The following GNAQ variants were observed in gnomAD, a reference collection of about 807,000 sequenced individuals.
The protein encoded by GNAQ is G protein subunit alpha q.
GNAQ carries 8 observed loss-of-function variants against 43.9 expected under a neutral mutation model. The observed-to-expected ratio is 0.18, with a 90% CI of 0.11 to 0.33. GNAQ has a LOEUF of 0.33. Among genes scored for constraint, GNAQ ranks in the 10% least tolerant of loss-of-function variants. The probability of loss-of-function intolerance (pLI) is 1.00; values close to 1 mark genes in which losing one functional copy is unlikely to be tolerated. For missense variants in GNAQ, 158 were observed against 450.8 expected, an observed-to-expected ratio of 0.35 and a Z score of 5.88; for synonymous variants, 155 against 170.7, an observed-to-expected ratio of 0.91 and a Z score of 0.71.
intron 5 of GNAQ, among the ~76,000 whole-genome samples, chr9:77,770,228 CT>C (rs1186901136): frequency 6.6e-6 from 1 of 151,982 alleles, no homozygotes; most frequent in East Asian, 1.9e-4. Flanking sequence ...GGTTTTTTCT[CT>C]GTGGATAAGA....
intron 5 of GNAQ, among the ~76,000 whole-genome samples, chr9:77,759,704 T>G (rs1425299806): frequency 6.6e-6 from 1 of 152,092 alleles, no homozygotes. Context: ...AGAACAGAGA[T>G]ATTCTGTTGA....
intron 3 of GNAQ, 46 bp downstream of exon 3, chr9:77,815,570 G>A (rs772830977): frequency 8.0e-7 from 1 of 1,247,992 alleles, no homozygotes; most frequent in Non-Finnish European, 1.2e-6. Flanking sequence ...ACCTCCACAT[G>A]GAAGTAAAGA....
At chr9:77,804,907 T>G (rs1826802754) in intron 3 of GNAQ, among the ~76,000 whole-genome samples, 1 of 152,098 alleles carries the variant, frequency 6.6e-6, no homozygotes, top group African/African-American at 2.4e-5. Context: ...AAGACCTCAT[T>G]GTGAGAGGAA....
At chr9:77,792,443 A>C (rs1826590539) in intron 5 of GNAQ, among the ~76,000 whole-genome samples, 1 of 152,156 alleles carries the variant, frequency 6.6e-6, no homozygotes, top group Non-Finnish European at 1.5e-5. Context: ...ATGATAATAA[A>C]AACGATGCCA....
chr9:78,022,982 G>A (rs1249973079), intron 1 of GNAQ, among the ~76,000 whole-genome samples: 3 of 152,186 alleles, frequency 2.0e-5, no homozygotes, highest in Non-Finnish European at 1.5e-5. Flanking sequence ...ACTGAGAAGA[G>A]GGTTTTCAAA....
chr9:77,983,541 G>A (rs1394484780), intron 1 of GNAQ, among the ~76,000 whole-genome samples: 1 of 152,126 alleles, frequency 6.6e-6, no homozygotes, highest in Non-Finnish European at 1.5e-5. Context: ...CCTCATAGTT[G>A]GTGTATGTGT....
intron 6 of GNAQ, among the ~76,000 whole-genome samples, chr9:77,725,733 C>CA (rs1825388013): frequency 1.3e-5 from 2 of 151,922 alleles, no homozygotes; most frequent in Admixed American, 6.6e-5. Context: ...GTGCAGAGAT[C>CA]AAAAAACAGC....
intron 1 of GNAQ, among the ~76,000 whole-genome samples, chr9:78,023,949 T>C (rs189874673): frequency 6.6e-6 from 1 of 151,774 alleles, no homozygotes; most frequent in African/African-American, 2.4e-5. Context: ...TGTGTGTATA[T>C]ACACACACAC....
chr9:77,724,204 T>TC (rs1825362572), intron 6 of GNAQ, among the ~76,000 whole-genome samples: 1 of 152,112 alleles, frequency 6.6e-6, no homozygotes, highest in Admixed American at 6.5e-5. Flanking sequence ...CTTTTTTTTT[T>TC]CCTTGAGACA....
At chr9:77,827,447 G>A (rs941571674) in intron 2 of GNAQ, among the ~76,000 whole-genome samples, 1 of 148,788 alleles carries the variant, frequency 6.7e-6, no homozygotes, top group African/African-American at 2.5e-5. Context: ...AATGCATATT[G>A]CCTCTTTTAT....
chr9:77,832,958 T>C (rs1473292384), intron 2 of GNAQ, among the ~76,000 whole-genome samples: 1 of 148,478 alleles, frequency 6.7e-6, no homozygotes, highest in Admixed American at 6.7e-5. Flanking sequence ...AGGCACTTTA[T>C]TTTTTATTTT....
At chr9:77,975,660 T>A (rs1823291828) in intron 1 of GNAQ, among the ~76,000 whole-genome samples, 1 of 151,224 alleles carries the variant, frequency 6.6e-6, no homozygotes, top group Non-Finnish European at 1.5e-5. Flanking sequence ...CTGCCTCAGC[T>A]TCCCGAGTAG....
intron 6 of GNAQ, among the ~76,000 whole-genome samples, chr9:77,723,513 AC>A (rs1825351510): frequency 6.6e-6 from 1 of 152,256 alleles, no homozygotes; most frequent in African/African-American, 2.4e-5. Context: ...AAAGGCGAAA[AC>A]AATCCAAGTG....
In GNAQ at chr9:77,951,092, C is replaced by CTTTTTT. The variant is rs35044662; in HGVS notation, c.137-28753_137-28748dup. On this transcript the variant is annotated intron_variant, in intron 1 of 6. Transcript: ENST00000286548. The stretch of plus-strand genomic sequence containing the variant: ...TGAATACTGAACGCAGTCAAGTGTT[C>CTTTTTT]TTTTTTTTTTTTTTTTTTTTTTTGA... Among the ~76,000 whole-genome samples the CTTTTTT allele has an allele frequency of 7.3e-3, 650 of 89,266 alleles. 23 individuals are homozygous for CTTTTTT. Among genetic ancestry groups the CTTTTTT allele is most frequent in the East Asian group, 0.017 (49 of 2,968 alleles). The allele number at this position is 89,266 out of a possible 152,430, so 58.6% of individuals were successfully genotyped here. A position where few individuals can be genotyped will look rare whatever the true frequency, so the allele number is the denominator to read the frequency against.
In GNAQ at chr9:77,743,295, C is replaced by A. The variant is rs572573389; in HGVS notation, c.736-14628G>T. Among the ~76,000 whole-genome samples, 113 of 151,684 alleles carry A rather than the reference C, an allele frequency of 7.4e-4. 1 individual carries two copies. The highest frequency in any genetic ancestry group is 2.5e-3 in the African/African-American group (104 of 41,450). ...AAAACAAACAAACAAACAAAAAAAA[C>A]AAACAACATCAGCAGGAGAGGGTCC... On this transcript the variant is annotated intron_variant, in intron 5 of 6. Transcript: ENST00000286548.
intron 2 of GNAQ, among the ~76,000 whole-genome samples, chr9:77,894,247 T>G (rs35198293): frequency 0.66 from 95,181 of 144,154 alleles, 32,607 homozygotes; most frequent in South Asian, 0.77. Context: ...AAATTTTAAA[T>G]GTTTCATTTA....
At chr9:77,927,334 C>A (rs866726503) in intron 1 of GNAQ, among the ~76,000 whole-genome samples, 1 of 152,162 alleles carries the variant, frequency 6.6e-6, no homozygotes, top group Non-Finnish European at 1.5e-5. Context: ...TGAAAGCAAT[C>A]GTGGACTCAT....
intron 1 of GNAQ, among the ~76,000 whole-genome samples, chr9:78,005,699 A>G (rs1823697150): frequency 6.6e-6 from 1 of 152,196 alleles, no homozygotes; most frequent in Non-Finnish European, 1.5e-5. Flanking sequence ...TCAAGGTTGC[A>G]GTGCCAATAC....
intron 5 of GNAQ, among the ~76,000 whole-genome samples, chr9:77,791,084 T>A (rs1826563845): frequency 6.6e-6 from 1 of 152,210 alleles, no homozygotes; most frequent in Non-Finnish European, 1.5e-5. Context: ...CTTGACGTTT[T>A]AATAAAATGA....
Sources: gnomAD v4.1 joint callset for allele counts (sites outside exome capture counted in the v4.1 genomes callset) on GRCh38, gnomAD v4.1.1 for gene constraint, MANE v1.5 for transcripts, NCBI Gene and HGNC (gene_info 2026-07-23, HGNC 2026-07-21) for gene names.